The following ERICH6B variants were observed in gnomAD, a reference collection of about 807,000 sequenced individuals.
The protein encoded by ERICH6B is glutamate rich 6B, also known as glutamate-rich protein 6B.
In ERICH6B, 69 loss-of-function variants were observed where a neutral mutation model predicts 80.0. The observed-to-expected ratio is 0.86, with a 90% CI of 0.71 to 1.05. The LOEUF (loss-of-function observed/expected upper bound fraction) is 1.05. Ranked by LOEUF, ERICH6B falls within the 50% of genes least tolerant of loss-of-function variation. ERICH6B has a pLI of 0.00. For missense variants in ERICH6B, 754 were observed against 796.1 expected (o/e 0.95, Z 0.64); for synonymous variants, 283 against 291.9 (o/e 0.97, Z 0.31).
chr13:45,586,923 C>T, intron 5 of ERICH6B, 140 bp downstream of exon 5: 1 of 950,236 alleles, frequency 1.1e-6, no homozygotes, highest in Non-Finnish European at 1.5e-6. Flanking sequence ...AATGAGACCT[C>T]AGAGGGCAAC....
intron 1 of ERICH6B, among the ~76,000 whole-genome samples, chr13:45,613,447 G>A (rs1949910947): frequency 6.6e-6 from 1 of 152,072 alleles, no homozygotes; most frequent in Non-Finnish European, 1.5e-5. Context: ...ATGATCAGGT[G>A]TAGCTCCCAG....
intron 7 of ERICH6B, 29 bp from the exon 8 acceptor site, chr13:45,574,959 G>A (rs765973169): frequency 1.1e-5 from 16 of 1,445,684 alleles, no homozygotes; most frequent in Non-Finnish European, 1.4e-5. Context: ...GCGTCGAAAG[G>A]AAGGGCATGT....
intron 3 of ERICH6B, among the ~76,000 whole-genome samples, chr13:45,595,241 T>C (rs1271434358): frequency 6.6e-6 from 1 of 152,120 alleles, no homozygotes; most frequent in African/African-American, 2.4e-5. Flanking sequence ...TTTTAAAAAG[T>C]AACAAAAAAT....
intron 13 of ERICH6B, among the ~76,000 whole-genome samples, chr13:45,548,695 T>G (rs549219863): frequency 4.6e-5 from 7 of 152,318 alleles, no homozygotes; most frequent in African/African-American, 1.7e-4. Context: ...GCTTGCTTGA[T>G]GGTCTGTCAC....
rs768676117 is a variant in ERICH6B, at chr13:45,580,607, C to T, written c.915G>A (p.Pro305=). ...TAAAATCATCATAAACTTTACCTTC[C>T]GGAGCCAGCTTCGTGGTGGTTTCTT... ...TEQETTTKLA[P]EEHVNTKVQQ... Residue 305 remains proline (P), a synonymous_variant, in exon 6 of 15, where the codon CCG becomes CCA. Transcript: ENST00000298738. 110 of 1,551,526 alleles carry T rather than the reference C, an allele frequency of 7.1e-5. No homozygotes were observed. The highest frequency in any genetic ancestry group is 1.1e-4 in the African/African-American group (8 of 73,026).
At chr13:45,587,660 A>T (rs997396173) in intron 4 of ERICH6B, among the ~76,000 whole-genome samples, 1 of 152,180 alleles carries the variant, frequency 6.6e-6, no homozygotes, top group Non-Finnish European at 1.5e-5. Flanking sequence ...TGTCCCTGCA[A>T]TCGGCTCACC....
intron 5 of ERICH6B, among the ~76,000 whole-genome samples, chr13:45,584,279 CT>C (rs1293415187): frequency 6.6e-6 from 1 of 152,188 alleles, no homozygotes; most frequent in Non-Finnish European, 1.5e-5. Context: ...TCCAGAGCGT[CT>C]TCTCATATGG....
chr13:45,615,434 C>T (rs1319178927), intron 1 of ERICH6B, among the ~76,000 whole-genome samples: 4 of 152,196 alleles, frequency 2.6e-5, no homozygotes, highest in East Asian at 1.9e-4. Context: ...GACCCAACAA[C>T]GGCCTTCACA....
chr13:45,578,637 C>T (rs1436585174), intron 7 of ERICH6B, among the ~76,000 whole-genome samples: 1 of 152,222 alleles, frequency 6.6e-6, no homozygotes, highest in East Asian at 1.9e-4. Flanking sequence ...GAATTCCCTA[C>T]TATCCTAGGC....
At chr13:45,592,842 T>C (rs1566302098) in intron 3 of ERICH6B, among the ~76,000 whole-genome samples, 1 of 152,208 alleles carries the variant, frequency 6.6e-6, no homozygotes, top group Non-Finnish European at 1.5e-5. Flanking sequence ...CTTACAATTG[T>C]GTGGTACAGG....
chr13:45,580,790 G>GA (rs1370840619), intron 5 of ERICH6B, 125 bp from the exon 6 acceptor site: 2 of 881,430 alleles, frequency 2.3e-6, no homozygotes, highest in African/African-American at 3.4e-5. Flanking sequence ...CAGTTGGGGG[G>GA]AACTGAGGCT....
At chr13:45,612,101 C>A (rs1433466934) in intron 1 of ERICH6B, among the ~76,000 whole-genome samples, 1 of 152,174 alleles carries the variant, frequency 6.6e-6, no homozygotes, top group Admixed American at 6.5e-5. Flanking sequence ...GCAGGTTTTG[C>A]CTTACCCCTC....
At chr13:45,612,256 A>G (rs980183742) in intron 1 of ERICH6B, among the ~76,000 whole-genome samples, 2 of 152,076 alleles carry the variant, frequency 1.3e-5, no homozygotes, top group Non-Finnish European at 2.9e-5. Flanking sequence ...CCTTCCATAA[A>G]CATTTATTGA....
At position 45,549,968 on chromosome 13, in the gene ERICH6B, C is replaced by T; in HGVS notation, c.1571G>A (p.Ser524Asn). The change falls in exon 13 of 15, where the codon AGT becomes AAT. Residue 524 changes from serine (S) to asparagine (N), a missense_variant. Ser to Asn is a conservative substitution (Grantham distance 46). Coordinates refer to ENST00000298738, the MANE Select transcript of ERICH6B (RefSeq NM_182542.3). The part of the protein sequence containing the change: ...KKFTYIILED[S>N]LEGRIRALIN... ...AAGGGCCCGGATCCTCCCTTCTAGA[C>T]TGTCTTCCAGAATGATGTATGTGAA... 1 of 1,551,774 alleles carries T rather than the reference C, an allele frequency of 6.4e-7. No homozygotes were observed. Among genetic ancestry groups the T allele is most frequent in the South Asian group, 1.2e-5 (1 of 84,054 alleles).
At chr13:45,565,320 C>A (rs968072594) in intron 9 of ERICH6B, among the ~76,000 whole-genome samples, 1 of 152,168 alleles carries the variant, frequency 6.6e-6, no homozygotes, top group African/African-American at 2.4e-5. Context: ...TTTCACACAG[C>A]CTCTCCCTGG....
intron 1 of ERICH6B, among the ~76,000 whole-genome samples, chr13:45,614,941 G>A (rs1389642820): frequency 6.6e-6 from 1 of 152,224 alleles, no homozygotes; most frequent in Non-Finnish European, 1.5e-5. Context: ...AAATCAAAAT[G>A]TTCTGGCAAC....
intron 3 of ERICH6B, among the ~76,000 whole-genome samples, chr13:45,594,132 CA>C (rs1876267242): frequency 6.6e-6 from 1 of 152,164 alleles, no homozygotes; most frequent in East Asian, 1.9e-4. Flanking sequence ...TACATAAAAA[CA>C]TTGATATATT....
intron 2 of ERICH6B, among the ~76,000 whole-genome samples, chr13:45,605,304 G>A (rs1436294704): frequency 6.6e-6 from 1 of 152,206 alleles, no homozygotes; most frequent in Non-Finnish European, 1.5e-5. Flanking sequence ...GCTGTAATTT[G>A]CGACGTCTGC....
chr13:45,565,085 G>A (rs1229021144), intron 9 of ERICH6B, among the ~76,000 whole-genome samples: 1 of 152,132 alleles, frequency 6.6e-6, no homozygotes, highest in Non-Finnish European at 1.5e-5. Context: ...AAGAGAGGGA[G>A]AAAATGGCAC....
Sources: allele counts gnomAD v4.1 joint callset (sites outside exome capture counted in the v4.1 genomes callset), GRCh38; gene constraint gnomAD v4.1.1; transcripts MANE v1.5; gene names NCBI Gene and HGNC (gene_info 2026-07-23, HGNC 2026-07-21).